HDAC9: variants seen among roughly 807,000 people sequenced by gnomAD.
HDAC9 encodes the protein histone deacetylase 9.
HDAC9 carries 41 observed loss-of-function variants against 139.4 expected under a neutral mutation model. The observed-to-expected ratio is 0.29, with a 90% confidence interval of 0.23 to 0.38. The LOEUF is 0.38. HDAC9 is among the 10% of genes least tolerant of loss of function. The probability of loss-of-function intolerance (pLI) is 1.00; values close to 1 mark genes in which losing one functional copy is unlikely to be tolerated. For missense variants in HDAC9, 1,147 were observed against 1,297.0 expected (o/e 0.88, Z 1.78); for synonymous variants, 517 against 476.2 (o/e 1.09, Z -1.12).
intron 2 of HDAC9, among the ~76,000 whole-genome samples, chr7:18,178,381 G>A (rs1056100451): frequency 6.6e-6 from 1 of 152,140 alleles, no homozygotes; most frequent in Admixed American, 6.5e-5. Context: ...CACTGCACCC[G>A]GCCCCCCTCT....
At chr7:18,600,374 C>T (rs943406390) in intron 6 of HDAC9, among the ~76,000 whole-genome samples, 2 of 152,054 alleles carry the variant, frequency 1.3e-5, no homozygotes, top group East Asian at 1.9e-4. Flanking sequence ...CCAAACCCAG[C>T]GTTAACTAGA....
chr7:18,541,029 T>A (rs903186183), intron 2 of HDAC9, among the ~76,000 whole-genome samples: 1 of 152,008 alleles, frequency 6.6e-6, no homozygotes, highest in Non-Finnish European at 1.5e-5. Flanking sequence ...TCCAGGTATT[T>A]GACTCCAAAG....
chr7:18,778,995 C>A (rs1791015893), intron 16 of HDAC9, among the ~76,000 whole-genome samples: 2 of 152,096 alleles, frequency 1.3e-5, no homozygotes, highest in South Asian at 4.1e-4. Context: ...TTCACACCTT[C>A]TTTCCATATG....
chr7:18,761,472 G>A (rs1344590071), intron 14 of HDAC9, among the ~76,000 whole-genome samples: 2 of 152,176 alleles, frequency 1.3e-5, no homozygotes, highest in African/African-American at 4.8e-5. Flanking sequence ...TACGGCAAAA[G>A]TGAAATAAAT....
intron 1 of HDAC9, among the ~76,000 whole-genome samples, chr7:18,443,020 A>G (rs777143623): frequency 6.6e-6 from 1 of 152,218 alleles, no homozygotes; most frequent in African/African-American, 2.4e-5. Context: ...ACACAACTCA[A>G]TGGGAGCTAC....
chr7:18,732,561 G>A (rs202090460), intron 13 of HDAC9, among the ~76,000 whole-genome samples: 1 of 91,274 alleles, frequency 1.1e-5, no homozygotes, highest in Admixed American at 1.0e-4. Flanking sequence ...ATATACACAC[G>A]TGTATATATG....
chr7:18,411,889 G>T lies in HDAC9; in HGVS notation c.-41-84373G>T, dbSNP rs1189437179. Among the ~76,000 whole-genome samples the T allele has an allele frequency of 4.0e-5, 5 of 125,242 alleles. No individual in the cohort carries two copies. The Admixed American group carries it at 4.0e-4, about 10-fold the overall frequency. 82.2% of individuals were successfully genotyped at this position (125,242 alleles called of 152,430 possible). A position where few individuals can be genotyped will look rare whatever the true frequency, so the allele number is the denominator to read the frequency against. ...TGCCTAGGCTGGAGTGCAGTGGCAT[G>T]TTCTCACCTCACTGCATCCTCCACC... On this transcript the variant is annotated intron_variant, in intron 1 of 3. Coordinates refer to the HDAC9 transcript ENST00000413509.
intron 12 of HDAC9, among the ~76,000 whole-genome samples, chr7:18,682,366 T>C (rs911204166): frequency 2.6e-5 from 4 of 152,048 alleles, no homozygotes; most frequent in African/African-American, 9.7e-5. Flanking sequence ...TTATAGTTCT[T>C]TGTGTATGAT....
At chr7:18,540,610 G>T (rs1487831040) in intron 2 of HDAC9, among the ~76,000 whole-genome samples, 3 of 152,148 alleles carry the variant, frequency 2.0e-5, no homozygotes, top group Admixed American at 6.5e-5. Flanking sequence ...GATATTTCAA[G>T]ATAATGTTGG....
intron 2 of HDAC9, among the ~76,000 whole-genome samples, chr7:18,514,852 TG>T (rs1235475618): frequency 7.9e-5 from 12 of 152,004 alleles, no homozygotes; most frequent in African/African-American, 2.9e-4. Context: ...GAGGCTGAGG[TG>T]GGAGGGTTGC....
rs538239436 is a variant in HDAC9, at chr7:18,404,970, C to T, written c.-41-91292C>T. Among the ~76,000 whole-genome samples, 163 of 152,312 alleles carry T rather than the reference C, an allele frequency of 1.1e-3. 1 individual carries two copies. Among genetic ancestry groups the T allele is most frequent in the Non-Finnish European group, 1.5e-3 (101 of 68,020 alleles). On this transcript the variant is annotated intron_variant, in intron 1 of 3. Coordinates refer to the HDAC9 transcript ENST00000413509. ...CAGGACGCCATCCCATTGCAGGGTGCACTCACACACACCCTCGCACTTACT... is the reference window on the plus strand; with the variant it reads ...CAGGACGCCATCCCATTGCAGGGTGTACTCACACACACCCTCGCACTTACT...
At chr7:18,110,686 A>C (rs148554976) in intron 1 of HDAC9, among the ~76,000 whole-genome samples, 160 of 152,308 alleles carry the variant, frequency 1.1e-3, no homozygotes, top group African/African-American at 3.5e-3. Context: ...AGAGATGGCC[A>C]TAGTCACAAT....
chr7:18,806,892 A>G lies in HDAC9; in HGVS notation c.2322+13440A>G, dbSNP rs191790463. ...TATTTTGATTTTTACATCCATGTTC[A>G]TCAGGGATATTGGCCTGTAGTTTTC... On this transcript the variant is annotated intron_variant, in intron 17 of 25. Transcript: ENST00000686413. Among the ~76,000 whole-genome samples the G allele has an allele frequency of 2.6e-5, 4 of 152,316 alleles. No individual in the cohort carries two copies. In the East Asian group the frequency reaches 7.7e-4, roughly 29 times the overall value.
intron 6 of HDAC9, among the ~76,000 whole-genome samples, chr7:18,615,017 C>T (rs1392473524): frequency 8.5e-5 from 13 of 152,120 alleles, no homozygotes; most frequent in Admixed American, 8.5e-4. Context: ...TGAAATTGTA[C>T]ATAATTCTCT....
At chr7:18,831,509 TC>T (rs1279351030) in intron 19 of HDAC9, among the ~76,000 whole-genome samples, 3 of 152,164 alleles carry the variant, frequency 2.0e-5, no homozygotes, top group Non-Finnish European at 2.9e-5. Flanking sequence ...GATACTGATT[TC>T]CCAACAGGCT....
intron 6 of HDAC9, among the ~76,000 whole-genome samples, chr7:18,623,974 G>T (rs1840945817): frequency 6.6e-6 from 1 of 152,020 alleles, no homozygotes; most frequent in African/African-American, 2.4e-5. Flanking sequence ...TGAGAGGTCT[G>T]GTCTATTTGT....
intron 2 of HDAC9, among the ~76,000 whole-genome samples, chr7:18,168,488 T>C (rs1384019478): frequency 6.6e-6 from 1 of 152,196 alleles, no homozygotes; most frequent in African/African-American, 2.4e-5. Context: ...TTTATAACAT[T>C]ATGTGGAACC....
intron 1 of HDAC9, among the ~76,000 whole-genome samples, chr7:18,146,892 G>T (rs1233436236): frequency 6.6e-6 from 1 of 152,130 alleles, no homozygotes; most frequent in African/African-American, 2.4e-5. Flanking sequence ...GACAGACATT[G>T]TCCCTTAAAA....
chr7:18,733,171 G>C (rs772601386), intron 13 of HDAC9, among the ~76,000 whole-genome samples: 1 of 145,870 alleles, frequency 6.9e-6, no homozygotes, highest in Non-Finnish European at 1.5e-5. Flanking sequence ...GTATACACAT[G>C]TATATATGTG....
Sources: gnomAD v4.1 joint callset for allele counts (sites outside exome capture counted in the v4.1 genomes callset) on GRCh38, gnomAD v4.1.1 for gene constraint, MANE v1.5 for transcripts, NCBI Gene and HGNC (gene_info 2026-07-23, HGNC 2026-07-21) for gene names.